DENND1A: variants seen among roughly 807,000 people sequenced by gnomAD.
The protein encoded by DENND1A is DENN domain containing 1A, also known as DENN domain-containing protein 1A.
DENND1A carries 51 observed loss-of-function variants against 113.7 expected under a neutral mutation model. The ratio of observed to expected loss-of-function variants is 0.45; its 90% CI spans 0.36 to 0.57. DENND1A has a LOEUF of 0.57. DENND1A is among the 20% of genes least tolerant of loss of function. The pLI is 0.00. For missense variants in DENND1A, 1,258 were observed against 1,395.9 expected (o/e 0.90, Z 1.57); for synonymous variants, 565 against 570.8 (o/e 0.99, Z 0.14).
At chr9:123,626,715 T>C (rs1039681246) in intron 10 of DENND1A, among the ~76,000 whole-genome samples, 10 of 151,808 alleles carry the variant, frequency 6.6e-5, no homozygotes, top group Non-Finnish European at 8.8e-5. Context: ...ACCAAGAGAG[T>C]TGGCTCAGAA....
chr9:123,720,472 A>G (rs2067260748), intron 5 of DENND1A, among the ~76,000 whole-genome samples: 1 of 152,202 alleles, frequency 6.6e-6, no homozygotes, highest in South Asian at 2.1e-4. Flanking sequence ...TGCGACTTCA[A>G]ATGTAATCAA....
chr9:123,682,623 C>A (rs1471179559), intron 5 of DENND1A, among the ~76,000 whole-genome samples: 1 of 151,948 alleles, frequency 6.6e-6, no homozygotes, highest in Non-Finnish European at 1.5e-5. Flanking sequence ...CAGCATGGCA[C>A]ATGCTGGGGA....
intron 8 of DENND1A, among the ~76,000 whole-genome samples, chr9:123,664,004 C>T (rs1011605964): frequency 2.6e-5 from 4 of 152,178 alleles, no homozygotes; most frequent in African/African-American, 9.7e-5. Flanking sequence ...CCTTCCAGGG[C>T]TGCCAAAGCA....
intron 21 of DENND1A, among the ~76,000 whole-genome samples, chr9:123,393,774 T>C (rs533943727): frequency 1.8e-4 from 27 of 152,262 alleles, no homozygotes; most frequent in Middle Eastern, 3.4e-3. Context: ...GCAACGACGA[T>C]AAGAATTCTT....
At chr9:123,609,302 T>G (rs2060306695) in intron 11 of DENND1A, 134 bp downstream of exon 11, 19 of 930,204 alleles carry the variant, frequency 2.0e-5, no homozygotes, top group Non-Finnish European at 2.9e-5. Flanking sequence ...CGCTCAGCTC[T>G]GTACGCTGGG....
chr9:123,802,804 G>A (rs1834911663), intron 2 of DENND1A, among the ~76,000 whole-genome samples: 2 of 151,884 alleles, frequency 1.3e-5, no homozygotes, highest in Admixed American at 6.6e-5. Flanking sequence ...CCGGGTTCAA[G>A]CGATTCTCCT....
chr9:123,416,383 C>T (rs1588422807), intron 19 of DENND1A, among the ~76,000 whole-genome samples: 2 of 152,154 alleles, frequency 1.3e-5, no homozygotes, highest in South Asian at 2.1e-4. Context: ...TGGTTGTCAT[C>T]GGGAAGGCCT....
intron 2 of DENND1A, among the ~76,000 whole-genome samples, chr9:123,800,647 A>G (rs1482730900): frequency 1.3e-5 from 2 of 152,340 alleles, no homozygotes; most frequent in East Asian, 1.9e-4. Context: ...TGTTTTCATG[A>G]AACAGGCCTT....
intron 2 of DENND1A, among the ~76,000 whole-genome samples, chr9:123,808,942 T>C (rs931433913): frequency 1.3e-5 from 2 of 152,158 alleles, no homozygotes; most frequent in African/African-American, 2.4e-5. Flanking sequence ...CTGTGGGCCC[T>C]CCAGTATCAC....
At chr9:123,735,997 C>T (rs1361726591) in intron 5 of DENND1A, among the ~76,000 whole-genome samples, 1 of 151,954 alleles carries the variant, frequency 6.6e-6, no homozygotes, top group African/African-American at 2.4e-5. Flanking sequence ...AGAGTAAGGC[C>T]CTGTCTCCAA....
chr9:123,456,647 C>T (rs2048148098), intron 15 of DENND1A, among the ~76,000 whole-genome samples: 1 of 152,092 alleles, frequency 6.6e-6, no homozygotes, highest in Non-Finnish European at 1.5e-5. Flanking sequence ...CCTGTCTCTA[C>T]TAAAATACAA....
chr9:123,709,954 A>C (rs1250371746), intron 5 of DENND1A, among the ~76,000 whole-genome samples: 2 of 152,246 alleles, frequency 1.3e-5, no homozygotes, highest in Non-Finnish European at 2.9e-5. Flanking sequence ...TCAATGAATT[A>C]AGAATTATCA....
At chr9:123,539,464 A>ATT (rs57280463) in intron 13 of DENND1A, among the ~76,000 whole-genome samples, 1 of 150,892 alleles carries the variant, frequency 6.6e-6, no homozygotes, top group East Asian at 1.9e-4. Context: ...TAATAAAACT[A>ATT]TTTTTTTTTA....
At chr9:123,799,447 A>G (rs1834287087) in intron 2 of DENND1A, among the ~76,000 whole-genome samples, 1 of 152,200 alleles carries the variant, frequency 6.6e-6, no homozygotes, top group Non-Finnish European at 1.5e-5. Flanking sequence ...GAGAACACAC[A>G]GAATTAAACA....
At chr9:123,624,204 T>C (rs2061093369) in intron 10 of DENND1A, among the ~76,000 whole-genome samples, 1 of 152,206 alleles carries the variant, frequency 6.6e-6, no homozygotes, top group South Asian at 2.1e-4. Context: ...ATCTGCAGAG[T>C]AGCAAACCTC....
Position 123,812,620 on chromosome 9 carries a change from AT to A in DENND1A, c.89-19991del, listed in dbSNP as rs1427578059. Among the ~76,000 whole-genome samples the A allele has an allele frequency of 2.6e-5, 4 of 152,058 alleles. 1 individual carries two copies. The South Asian group carries it at 8.3e-4, about 31-fold the overall frequency. On this transcript the variant is annotated intron_variant, in intron 2 of 23. Coordinates refer to ENST00000394215, the MANE Select transcript of DENND1A (RefSeq NM_001352964.2). ...TTCTTATTAATACTGGTACTGGTTG[AT>A]TTTTGACATTTTCTGCCACTCTCAT...
intron 8 of DENND1A, among the ~76,000 whole-genome samples, chr9:123,659,883 AT>A (rs1488142492): frequency 4.6e-5 from 7 of 152,348 alleles, no homozygotes; most frequent in Admixed American, 2.6e-4. Flanking sequence ...TAATATGCAA[AT>A]TTCAACACTG....
At chr9:123,696,910 C>T (rs888199279) in intron 5 of DENND1A, among the ~76,000 whole-genome samples, 1 of 152,168 alleles carries the variant, frequency 6.6e-6, no homozygotes, top group African/African-American at 2.4e-5. Flanking sequence ...CTAAAAAGGT[C>T]TCTATTCACC....
intron 5 of DENND1A, among the ~76,000 whole-genome samples, chr9:123,738,299 G>A (rs1257919071): frequency 6.6e-6 from 1 of 151,988 alleles, no homozygotes; most frequent in Non-Finnish European, 1.5e-5. Flanking sequence ...ATCATCACAA[G>A]GCTGCACACT....
Sources: allele counts gnomAD v4.1 joint callset (sites outside exome capture counted in the v4.1 genomes callset), GRCh38; gene constraint gnomAD v4.1.1; transcripts MANE v1.5; gene names NCBI Gene and HGNC (gene_info 2026-07-23, HGNC 2026-07-21).